Variants in ZBTB8A observed in about 807,000 individuals in gnomAD.
The protein encoded by ZBTB8A is zinc finger and BTB domain-containing protein 8A.
Under a neutral mutation model 37.8 loss-of-function variants are expected in ZBTB8A, and 19 were observed. That is an observed-to-expected ratio of 0.50 (90% CI 0.35 to 0.74). ZBTB8A has a LOEUF of 0.74. Among genes scored for constraint, ZBTB8A ranks in the 30% least tolerant of loss-of-function variants. The pLI, the probability that ZBTB8A is intolerant of heterozygous loss-of-function variation, is 0.01. For missense variants in ZBTB8A, 394 were observed against 537.8 expected, an observed-to-expected ratio of 0.73 and a Z score of 2.65; for synonymous variants, 181 against 185.2, an observed-to-expected ratio of 0.98 and a Z score of 0.19.
Position 32,601,651 on chromosome 1 carries a change from A to G in ZBTB8A, c.*1232A>G, listed in dbSNP as rs576118733. On this transcript the variant is annotated 3_prime_UTR_variant, in exon 5 of 5. Transcript: ENST00000373510. ...TCAGAAAGTCTGAGAGAGAAAACTG[A>G]TGATTGGACAGGATCTGATTTTAAA... 8.5e-5 allele frequency: 34 copies of G among 398,478 alleles called. No homozygotes were observed. Among genetic ancestry groups the G allele is most frequent in the Non-Finnish European group, 1.5e-4 (33 of 226,070 alleles). 24.7% of individuals were successfully genotyped at this position (398,478 alleles called of 1,614,324 possible).
chr1:32,566,319 G>A (rs1644278972), intron 2 of ZBTB8A, among the ~76,000 whole-genome samples: 2 of 152,052 alleles, frequency 1.3e-5, no homozygotes, highest in South Asian at 2.1e-4. Context: ...TTTGAGACCA[G>A]CATAGGCAAA....
chr1:32,568,836 A>G (rs1011956701), intron 2 of ZBTB8A, among the ~76,000 whole-genome samples: 4 of 152,188 alleles, frequency 2.6e-5, no homozygotes, highest in Non-Finnish European at 5.9e-5. Context: ...GTAGTGTTCC[A>G]TGGTATGGAT....
intron 2 of ZBTB8A, among the ~76,000 whole-genome samples, chr1:32,567,292 G>A (rs1034325038): frequency 6.6e-6 from 1 of 152,194 alleles, no homozygotes; most frequent in East Asian, 1.9e-4. Context: ...AGGGAAATCC[G>A]CCCGCATGAT....
chr1:32,558,179 T>C (rs1644217278), intron 2 of ZBTB8A, among the ~76,000 whole-genome samples: 1 of 152,150 alleles, frequency 6.6e-6, no homozygotes, highest in Non-Finnish European at 1.5e-5. Context: ...GGCATTTGCC[T>C]CTAAGAAACA....
chr1:32,592,397 AGGCATGGT>A (rs1262347013), intron 2 of ZBTB8A, among the ~76,000 whole-genome samples: 2 of 151,526 alleles, frequency 1.3e-5, no homozygotes, highest in East Asian at 2.0e-4. Flanking sequence ...AAAAAAAAAC[AGGCATGGT>A]GGTGCACACC....
intron 2 of ZBTB8A, among the ~76,000 whole-genome samples, chr1:32,566,961 G>A (rs56176802): frequency 0.024 from 3,613 of 152,258 alleles, 43 homozygotes; most frequent in Middle Eastern, 0.031. Flanking sequence ...TAGTGAGATG[G>A]GAGCCACTGG....
chr1:32,563,429 C>T (rs1039402629), intron 2 of ZBTB8A, among the ~76,000 whole-genome samples: 7 of 152,128 alleles, frequency 4.6e-5, no homozygotes, highest in Admixed American at 3.3e-4. Flanking sequence ...TCCTTTTCCC[C>T]CCTAGGGCTG....
intron 2 of ZBTB8A, among the ~76,000 whole-genome samples, chr1:32,578,920 A>G (rs1289899285): frequency 6.6e-6 from 1 of 151,988 alleles, no homozygotes; most frequent in Non-Finnish European, 1.5e-5. Context: ...ATAAATATAT[A>G]TTTTTGAGTG....
intron 4 of ZBTB8A, among the ~76,000 whole-genome samples, chr1:32,598,200 C>G (rs1365154184): frequency 6.7e-6 from 1 of 150,090 alleles, no homozygotes; most frequent in East Asian, 1.9e-4. Flanking sequence ...ACATATTTTA[C>G]CAGACTGTAT....
intron 2 of ZBTB8A, among the ~76,000 whole-genome samples, chr1:32,554,383 T>A (rs1644183064): frequency 6.6e-6 from 1 of 151,746 alleles, no homozygotes; most frequent in Non-Finnish European, 1.5e-5. Context: ...CTTAAGGAGG[T>A]GTAGTGTATC....
rs1644612895 is a variant in ZBTB8A at position 32,605,720 on chromosome 1, A to AAAAAAAAAAAAAAAAAAAAAAAAAAC, written c.*5311_*5312insAAAAAAAAAAAAAAACAAAAAAAAAA. 1 of 149,262 alleles carries AAAAAAAAAAAAAAAAAAAAAAAAAAC rather than the reference A, an allele frequency of 6.7e-6. No homozygotes were observed. The highest frequency in any genetic ancestry group is 2.5e-5 in the African/African-American group (1 of 39,830). 9.2% of individuals were successfully genotyped at this position (149,262 alleles called of 1,614,324 possible). ...ACTCCACCTCAAAAAAAAAAAAAAA[A>AAAAAAAAAAAAAAAAAAAAAAAAAAC]AAAAAAAAAAGAACCTAAGACAACC... On this transcript the variant is annotated 3_prime_UTR_variant, in exon 5 of 5. Coordinates refer to ENST00000373510, the MANE Select transcript of ZBTB8A (RefSeq NM_001040441.3).
chr1:32,546,783 T>C (rs1644107604), intron 1 of ZBTB8A, among the ~76,000 whole-genome samples: 1 of 152,252 alleles, frequency 6.6e-6, no homozygotes, highest in Admixed American at 6.5e-5. Flanking sequence ...CTCAGCAGCA[T>C]GTGAAACACG....
intron 2 of ZBTB8A, among the ~76,000 whole-genome samples, chr1:32,579,662 T>C (rs1482458747): frequency 6.6e-6 from 1 of 152,120 alleles, no homozygotes; most frequent in Non-Finnish European, 1.5e-5. Context: ...TGTGATTTTC[T>C]CTTCCTGTAT....
chr1:32,575,577 G>A (rs1359691481), intron 2 of ZBTB8A, among the ~76,000 whole-genome samples: 1 of 151,830 alleles, frequency 6.6e-6, no homozygotes, highest in Admixed American at 6.6e-5. Flanking sequence ...AGAATATTGA[G>A]GTGGCTCACG....
chr1:32,587,119 A>G (rs1644456040), intron 2 of ZBTB8A, among the ~76,000 whole-genome samples: 3 of 151,962 alleles, frequency 2.0e-5, no homozygotes, highest in Admixed American at 2.0e-4. Flanking sequence ...GGCGCCTGTA[A>G]TCCCAGCCAC....
Position 32,595,170 on chromosome 1 carries a change from G to A in ZBTB8A, c.940G>A (p.Ala314Thr), listed in dbSNP as rs1309940740. The change falls in exon 4 of 5, where the codon GCT (alanine) becomes ACT (threonine). Residue 314 changes from alanine (A) to threonine (T), a missense_variant. Around this residue, in one of 4 missense-constraint regions of ZBTB8A, gnomAD observed 42 missense variants for 96.4 expected, o/e 0.44. Transcript: ENST00000373510. Reference protein sequence around the residue: ...HTGERPYPCQACGKRFSRLDH... With the variant: ...HTGERPYPCQTCGKRFSRLDH... ...AGGAGAAAGGCCCTATCCATGTCAA[G>A]CTTGTGGAAAAAGATTTAGCAGGCT... The A allele has an allele frequency of 1.2e-5, 19 of 1,614,112 alleles. No individual in the cohort carries two copies. Among genetic ancestry groups the A allele is most frequent in the Non-Finnish European group, 1.6e-5 (19 of 1,180,050 alleles).
At position 32,602,278 on chromosome 1, in the gene ZBTB8A, A is replaced by G. The variant is rs1644581982; in HGVS notation, c.*1859A>G. On this transcript the variant is annotated 3_prime_UTR_variant, in exon 5 of 5. Coordinates refer to ENST00000373510, the MANE Select transcript of ZBTB8A (RefSeq NM_001040441.3). ...AGGAGGCAGAGGCTGCGGTGGGCTG[A>G]GGTTGCGCCATTGCACTCCAGCCTG... 1 of 135,776 alleles carries G rather than the reference A, an allele frequency of 7.4e-6. No individual in the cohort carries two copies. The highest frequency in any genetic ancestry group is 1.6e-5 in the Non-Finnish European group (1 of 64,162). 8.4% of individuals were successfully genotyped at this position (135,776 alleles called of 1,614,324 possible). A position where few individuals can be genotyped will look rare whatever the true frequency, so the allele number is the denominator to read the frequency against.
chr1:32,551,471 T>C (rs1372704151), intron 1 of ZBTB8A, among the ~76,000 whole-genome samples: 1 of 151,846 alleles, frequency 6.6e-6, no homozygotes, highest in Non-Finnish European at 1.5e-5. Flanking sequence ...TCCCAGCAAT[T>C]TGGGAGGCTG....
Position 32,546,375 on chromosome 1 carries a change from G to A in ZBTB8A, c.-84+6803G>A, listed in dbSNP as rs191947465. 7.2e-3 allele frequency among the ~76,000 whole-genome samples: 1,093 copies of A among 152,074 alleles called. 10 individuals are homozygous for A. Among genetic ancestry groups the A allele is most frequent in the Middle Eastern group, 0.014 (4 of 294 alleles). ...ATGAGAATCACTTGAACCCAGGAGT[G>A]GCAGGTTGCAGTGAGCCAAGATCAT... On this transcript the variant is annotated intron_variant, in intron 1 of 4. Transcript: ENST00000373510.
Sources: allele counts gnomAD v4.1 joint callset (sites outside exome capture counted in the v4.1 genomes callset), GRCh38; gene constraint gnomAD v4.1.1; regional missense constraint gnomAD v4.1.1; transcripts MANE v1.5; gene names NCBI Gene and HGNC (gene_info 2026-07-23, HGNC 2026-07-21).